Variants in NTM observed in about 807,000 individuals in gnomAD.
NTM encodes the protein neurotrimin.
Under a neutral mutation model 42.1 loss-of-function variants are expected in NTM, and 13 were observed. That is an observed-to-expected ratio of 0.31 (90% confidence interval 0.20 to 0.49). The LOEUF is 0.49. Ranked by LOEUF, NTM falls within the 20% of genes least tolerant of loss-of-function variation. The probability of loss-of-function intolerance (pLI) is 0.99; values close to 1 mark genes in which losing one functional copy is unlikely to be tolerated. For synonymous variants in NTM, 187 were observed against 179.2 expected (o/e 1.04, Z -0.35); for missense variants, 373 against 452.8 (o/e 0.82, Z 1.60).
At chr11:131,806,806 C>T (rs764830053) in intron 1 of NTM, among the ~76,000 whole-genome samples, 1 of 152,184 alleles carries the variant, frequency 6.6e-6, no homozygotes, top group Non-Finnish European at 1.5e-5. Context: ...TCTTATTAGG[C>T]TCCAGGCACA....
intron 1 of NTM, among the ~76,000 whole-genome samples, chr11:131,880,466 G>T (rs183315863): frequency 1.2e-4 from 19 of 152,234 alleles, no homozygotes; most frequent in African/African-American, 4.1e-4. Flanking sequence ...AGGACAAGGA[G>T]CACTAGCTTA....
At chr11:131,986,728 G>A (rs190484045) in intron 2 of NTM, among the ~76,000 whole-genome samples, 1 of 152,212 alleles carries the variant, frequency 6.6e-6, no homozygotes, top group South Asian at 2.1e-4. Flanking sequence ...ACCTCCATGA[G>A]GGCCAGAGAT....
At position 131,826,185 on chromosome 11, in the gene NTM, G is replaced by A. The variant is rs183153386; in HGVS notation, c.83-85379G>A. Among the ~76,000 whole-genome samples the A allele has an allele frequency of 2.6e-5, 4 of 152,124 alleles. No individual in the cohort carries two copies. The East Asian group carries it at 7.7e-4, about 29-fold the overall frequency. On this transcript the variant is annotated intron_variant, in intron 1 of 8. Transcript: ENST00000683400. ...AAAAGAAGAAAATAGTTCAAAAAGGGGCATGATCACAATTTAGATTGCTGA... is the reference window on the plus strand; with the variant it reads ...AAAAGAAGAAAATAGTTCAAAAAGGAGCATGATCACAATTTAGATTGCTGA...
intron 1 of NTM, among the ~76,000 whole-genome samples, chr11:131,467,528 C>T (rs531165015): frequency 6.6e-6 from 1 of 152,302 alleles, no homozygotes; most frequent in South Asian, 2.1e-4. Flanking sequence ...CCCAGACATT[C>T]TGGTAGTGAT....
chr11:131,713,006 G>A (rs1481383606), intron 1 of NTM, among the ~76,000 whole-genome samples: 1 of 152,188 alleles, frequency 6.6e-6, no homozygotes, highest in South Asian at 2.1e-4. Context: ...CGGTTGGTCA[G>A]GGGTGGAGGT....
At chr11:131,768,623 C>T (rs1481543322) in intron 1 of NTM, among the ~76,000 whole-genome samples, 2 of 152,158 alleles carry the variant, frequency 1.3e-5, no homozygotes, top group African/African-American at 2.4e-5. Flanking sequence ...TCAATAACTG[C>T]CTAGAGAAAC....
At chr11:132,310,056 CAAAAAAAA>C (rs71477755) in intron 5 of NTM, 48 bp from the exon 6 acceptor site, 6 of 1,317,730 alleles carry the variant, frequency 4.6e-6, no homozygotes, top group Middle Eastern at 2.9e-4. Flanking sequence ...GACTCCATCT[CAAAAAAAA>C]AAAAAAAAAA....
intron 1 of NTM, among the ~76,000 whole-genome samples, chr11:131,886,841 C>T (rs2050486453): frequency 6.6e-6 from 1 of 152,210 alleles, no homozygotes; most frequent in African/African-American, 2.4e-5. Flanking sequence ...GCTTGCTGGT[C>T]TTTATCTGTC....
At chr11:131,559,906 G>T (rs2056002460) in intron 1 of NTM, among the ~76,000 whole-genome samples, 1 of 152,286 alleles carries the variant, frequency 6.6e-6, no homozygotes, top group African/African-American at 2.4e-5. Flanking sequence ...TGCAAAGGTG[G>T]GTGGGAAATG....
intron 1 of NTM, among the ~76,000 whole-genome samples, chr11:131,866,072 ACACT>A (rs150666451): frequency 0.061 from 7,812 of 129,080 alleles, 697 homozygotes; most frequent in Non-Finnish European, 0.086. Context: ...CACACCCCAC[ACACT>A]CTCACACATG....
intron 1 of NTM, among the ~76,000 whole-genome samples, chr11:131,428,375 C>T (rs1948356712): frequency 6.6e-6 from 1 of 152,206 alleles, no homozygotes; most frequent in Non-Finnish European, 1.5e-5. Flanking sequence ...CAGTTTTCTA[C>T]ACTTGCATAT....
chr11:132,237,944 G>A (rs1224244915), intron 4 of NTM, among the ~76,000 whole-genome samples: 1 of 152,064 alleles, frequency 6.6e-6, no homozygotes, highest in African/African-American at 2.4e-5. Flanking sequence ...GCTCTGAGCC[G>A]TGACTCCATT....
At chr11:131,459,062 A>G (rs1357281906) in intron 1 of NTM, among the ~76,000 whole-genome samples, 1 of 152,282 alleles carries the variant, frequency 6.6e-6, no homozygotes, top group Non-Finnish European at 1.5e-5. Flanking sequence ...CAGATTGCAC[A>G]GGATAATGTG....
intron 4 of NTM, among the ~76,000 whole-genome samples, chr11:132,243,295 C>T (rs2090526580): frequency 6.6e-6 from 1 of 152,172 alleles, no homozygotes; most frequent in Non-Finnish European, 1.5e-5. Flanking sequence ...AATTTAGGTT[C>T]ATAAATAGCA....
chr11:132,278,224 A>G (rs1266864034), intron 4 of NTM, among the ~76,000 whole-genome samples: 1 of 152,160 alleles, frequency 6.6e-6, no homozygotes, highest in East Asian at 1.9e-4. Context: ...ACCACCCCCA[A>G]GCTTTGCTGT....
At chr11:131,560,338 GCAGT>G (rs1487637705) in intron 1 of NTM, among the ~76,000 whole-genome samples, 2 of 152,118 alleles carry the variant, frequency 1.3e-5, no homozygotes, top group South Asian at 2.1e-4. Context: ...AGTCATAAAC[GCAGT>G]CAAAGAAATT....
chr11:131,873,716 C>T (rs1342563838), intron 1 of NTM, among the ~76,000 whole-genome samples: 10 of 141,258 alleles, frequency 7.1e-5, no homozygotes, highest in African/African-American at 2.7e-4. Flanking sequence ...TATACACACA[C>T]ACACTTTTAA....
intron 1 of NTM, among the ~76,000 whole-genome samples, chr11:131,635,573 TAAA>T (rs1051909380): frequency 6.6e-6 from 1 of 152,134 alleles, no homozygotes; most frequent in Non-Finnish European, 1.5e-5. Flanking sequence ...GTTTAAAAAA[TAAA>T]AAAGCTTGTC....
chr11:131,427,961 T>G (rs1948308946), intron 1 of NTM, among the ~76,000 whole-genome samples: 1 of 152,214 alleles, frequency 6.6e-6, no homozygotes, highest in African/African-American at 2.4e-5. Context: ...CTTTTACATG[T>G]CGACATACCA....
Sources: gnomAD v4.1 joint callset for allele counts (sites outside exome capture counted in the v4.1 genomes callset) on GRCh38, gnomAD v4.1.1 for gene constraint, MANE v1.5 for transcripts, NCBI Gene and HGNC (gene_info 2026-07-23, HGNC 2026-07-21) for gene names.